MYO1D: variants seen among roughly 807,000 people sequenced by gnomAD.
MYO1D encodes the protein myosin ID.
A neutral mutation model predicts 122.0 loss-of-function variants in MYO1D; 83 were observed. That is an observed-to-expected ratio of 0.68 (90% confidence interval 0.57 to 0.82). The LOEUF (loss-of-function observed/expected upper bound fraction) is 0.82, where lower values mean the gene tolerates loss of function less well. Ranked by LOEUF, MYO1D falls within the 40% of genes least tolerant of loss-of-function variation. The pLI is 0.00. For missense variants in MYO1D, 1,157 were observed against 1,269.5 expected (o/e 0.91, Z 1.35); for synonymous variants, 464 against 446.9 (o/e 1.04, Z -0.48).
chr17:32,550,319 C>T (rs1250189442), intron 21 of MYO1D, among the ~76,000 whole-genome samples: 1 of 152,100 alleles, frequency 6.6e-6, no homozygotes, highest in Non-Finnish European at 1.5e-5. Flanking sequence ...AGGCTGGTCT[C>T]GAACTCCTGA....
At chr17:32,872,782 C>T (rs1335665660) in intron 1 of MYO1D, among the ~76,000 whole-genome samples, 8 of 150,594 alleles carry the variant, frequency 5.3e-5, no homozygotes, top group Admixed American at 1.3e-4. Flanking sequence ...CTGCAAGCTC[C>T]GCTTCCCGGG....
chr17:32,795,004 T>C (rs571345373), intron 1 of MYO1D, among the ~76,000 whole-genome samples: 25 of 152,016 alleles, frequency 1.6e-4, no homozygotes, highest in African/African-American at 5.1e-4. Context: ...AGAGATATAA[T>C]CTATTGGAGA....
chr17:32,646,099 G>A (rs1042539217), intron 19 of MYO1D, among the ~76,000 whole-genome samples: 2 of 152,104 alleles, frequency 1.3e-5, no homozygotes, highest in African/African-American at 4.8e-5. Flanking sequence ...AGTCCTTTCT[G>A]TTTGTTAGTT....
chr17:32,626,278 T>C (rs1303149800), intron 20 of MYO1D, among the ~76,000 whole-genome samples: 1 of 152,260 alleles, frequency 6.6e-6, no homozygotes, highest in Non-Finnish European at 1.5e-5. Flanking sequence ...AGCCTATTAT[T>C]GCCGCAGCTT....
chr17:32,844,289 T>C lies in MYO1D; in HGVS notation c.95+32489A>G, dbSNP rs1198237271. 3.4e-5 allele frequency among the ~76,000 whole-genome samples: 5 copies of C among 146,900 alleles called. No individual in the cohort carries two copies. In the East Asian group the frequency reaches 7.8e-4, roughly 23 times the overall value. On this transcript the variant is annotated intron_variant, in intron 1 of 21. Coordinates refer to ENST00000318217, the MANE Select transcript of MYO1D (RefSeq NM_015194.3). ...TATATCATATATGATATATATATCA[T>C]ATGTATATATTATAATATGCATATG... is the stretch of plus-strand genomic sequence containing the variant.
intron 19 of MYO1D, among the ~76,000 whole-genome samples, chr17:32,639,273 G>C (rs1408050258): frequency 6.6e-6 from 1 of 151,802 alleles, no homozygotes; most frequent in Non-Finnish European, 1.5e-5. Context: ...CTGGTATATA[G>C]GGATAAGACA....
chr17:32,850,618 A>G (rs1184683396), intron 1 of MYO1D, among the ~76,000 whole-genome samples: 1 of 152,202 alleles, frequency 6.6e-6, no homozygotes, highest in Non-Finnish European at 1.5e-5. Flanking sequence ...ACTTTGTAAT[A>G]TGAAGTAATT....
rs898867600 is a variant in MYO1D, at chr17:32,869,197, C to A, written c.95+7581G>T. Among the ~76,000 whole-genome samples the A allele has an allele frequency of 2.0e-5, 3 of 151,004 alleles. No individual in the cohort carries two copies. In the East Asian group the frequency reaches 5.8e-4, roughly 29 times the overall value. ...TCGCACTACCGCACTCCAGCCTGGG[C>A]AACAGAGCGAGGCCCTGTCTCAAAA... On this transcript the variant is annotated intron_variant, in intron 1 of 21. Transcript: ENST00000318217.
At chr17:32,634,700 T>C (rs952438851) in intron 20 of MYO1D, among the ~76,000 whole-genome samples, 4 of 152,236 alleles carry the variant, frequency 2.6e-5, no homozygotes, top group African/African-American at 9.6e-5. Flanking sequence ...TTTTCACCCA[T>C]CCTGGAGATT....
intron 1 of MYO1D, among the ~76,000 whole-genome samples, chr17:32,864,835 C>A (rs2091110439): frequency 1.3e-5 from 2 of 152,144 alleles, no homozygotes; most frequent in African/African-American, 4.8e-5. Context: ...CTCCTTAATG[C>A]CTGGAAATAA....
At chr17:32,849,607 G>A (rs2090967960) in intron 1 of MYO1D, among the ~76,000 whole-genome samples, 1 of 150,656 alleles carries the variant, frequency 6.6e-6, no homozygotes, top group South Asian at 2.1e-4. Context: ...GGTGGGAATT[G>A]AACAATGAGA....
chr17:32,870,364 C>T (rs1002434844), intron 1 of MYO1D, among the ~76,000 whole-genome samples: 19 of 152,270 alleles, frequency 1.2e-4, no homozygotes, highest in Middle Eastern at 3.4e-3. Flanking sequence ...GGCAGGTTTA[C>T]ATTTACTTGA....
chr17:32,573,515 T>C (rs1034794674), intron 21 of MYO1D, among the ~76,000 whole-genome samples: 1 of 151,748 alleles, frequency 6.6e-6, no homozygotes, highest in African/African-American at 2.4e-5. Flanking sequence ...CTGACTGTGC[T>C]GTTTTTCTTC....
At chr17:32,568,484 T>C (rs1024913257) in intron 21 of MYO1D, among the ~76,000 whole-genome samples, 2 of 152,254 alleles carry the variant, frequency 1.3e-5, no homozygotes, top group Admixed American at 1.3e-4. Flanking sequence ...AGGACACATA[T>C]CTGATTCATT....
intron 8 of MYO1D, 95 bp downstream of exon 8, chr17:32,764,783 C>G (rs563651860): frequency 2.3e-5 from 30 of 1,332,098 alleles, no homozygotes; most frequent in Middle Eastern, 5.1e-4. Context: ...AGCCTTAACC[C>G]TCTTTCAAGA....
intron 1 of MYO1D, among the ~76,000 whole-genome samples, chr17:32,867,798 C>CAAAAAAA (rs5820001): frequency 1.3e-4 from 7 of 53,932 alleles, no homozygotes; most frequent in Non-Finnish European, 2.2e-4. Context: ...GACTCCGTCT[C>CAAAAAAA]AAAAAAAAAA....
chr17:32,756,096 C>T (rs539480782), intron 10 of MYO1D: 136 of 209,006 alleles, frequency 6.5e-4, no homozygotes, highest in African/African-American at 3.0e-3. Flanking sequence ...AGGTACTACA[C>T]AAAACTTGCA....
chr17:32,785,323 G>A (rs1167004687), intron 1 of MYO1D, among the ~76,000 whole-genome samples: 13 of 152,144 alleles, frequency 8.5e-5, no homozygotes, highest in Non-Finnish European at 1.9e-4. Flanking sequence ...AATTCTCTGT[G>A]AATGGTCTAC....
intron 21 of MYO1D, among the ~76,000 whole-genome samples, chr17:32,545,358 C>T (rs547646855): frequency 1.3e-5 from 2 of 152,276 alleles, no homozygotes; most frequent in South Asian, 4.2e-4. Context: ...GTGGCAGCAC[C>T]CAGGAAACAT....
Sources: gnomAD v4.1 joint callset for allele counts (sites outside exome capture counted in the v4.1 genomes callset) on GRCh38, gnomAD v4.1.1 for gene constraint, MANE v1.5 for transcripts, NCBI Gene and HGNC (gene_info 2026-07-23, HGNC 2026-07-21) for gene names.